The following VPS13D variants were observed in gnomAD, a reference collection of about 807,000 sequenced individuals.
VPS13D encodes vacuolar protein sorting 13 homolog D, also known as intermembrane lipid transfer protein VPS13D.
VPS13D carries 187 observed loss-of-function variants against 461.9 expected under a neutral mutation model. The observed-to-expected ratio is 0.40, with a 90% CI of 0.36 to 0.46. VPS13D has a LOEUF of 0.46. VPS13D is among the 20% of genes least tolerant of loss of function. The pLI is 0.60. For missense variants in VPS13D, 4,711 were observed against 5,364.9 expected (o/e 0.88, Z 3.81); for synonymous variants, 1,951 against 1,986.3 (o/e 0.98, Z 0.47).
At chr1:12,396,176 T>C (rs1184066325) in intron 60 of VPS13D, among the ~76,000 whole-genome samples, 1 of 151,638 alleles carries the variant, frequency 6.6e-6, no homozygotes, top group Non-Finnish European at 1.5e-5. Context: ...CTGGGGGAGC[T>C]GCAAATTCCT....
chr1:12,283,269 C>CG lies in VPS13D; in HGVS notation c.5169dup (p.Ser1724ValfsTer11). 6.2e-7 allele frequency: 1 copy of CG among 1,614,086 alleles called. No homozygotes were observed. Among genetic ancestry groups the CG allele is most frequent in the Non-Finnish European group, 8.5e-7 (1 of 1,180,016 alleles). The stretch of plus-strand genomic sequence containing the variant: ...CAATGTGGAATATCCTGATATGCCT[C>CG]GGTCTCTCCCTTCCCACATGGAAGA... On this transcript the variant is annotated frameshift_variant, in exon 21 of 70. Coordinates refer to ENST00000620676, the MANE Select transcript of VPS13D (RefSeq NM_015378.4). LOFTEE classifies it high-confidence loss of function.
chr1:12,368,095 A>T (rs1042550051), intron 52 of VPS13D, among the ~76,000 whole-genome samples: 1 of 152,022 alleles, frequency 6.6e-6, no homozygotes, highest in African/African-American at 2.4e-5. Context: ...TTAATTCTCT[A>T]ATTTCCTCTA....
intron 30 of VPS13D, among the ~76,000 whole-genome samples, chr1:12,316,115 G>A (rs983333980): frequency 1.3e-5 from 2 of 152,004 alleles, no homozygotes; most frequent in South Asian, 2.1e-4. Flanking sequence ...GTGCCCGGCC[G>A]AGAAACATTT....
chr1:12,308,313 G>C (rs1642627798), intron 26 of VPS13D, 118 bp from the exon 27 acceptor site: 1 of 1,069,856 alleles, frequency 9.3e-7, no homozygotes, highest in Admixed American at 2.3e-5. Flanking sequence ...GTGTGGGGAA[G>C]CAGGCAGCTG....
intron 47 of VPS13D, 61 bp from the exon 48 acceptor site, chr1:12,355,838 C>T: frequency 7.0e-7 from 1 of 1,433,290 alleles, no homozygotes; most frequent in Non-Finnish European, 9.2e-7. Flanking sequence ...TTTACTTTTG[C>T]TGTGAGCTAT....
Position 12,256,981 on chromosome 1 carries a change from A to G in VPS13D, c.841-6A>G. The G allele has an allele frequency of 6.2e-7, 1 of 1,614,106 alleles. No individual in the cohort carries two copies. Among genetic ancestry groups the G allele is most frequent in the Non-Finnish European group, 8.5e-7 (1 of 1,179,974 alleles). ...AACCTAGTATCTCTTAACCTCTAAT[A>G]CAAAGCTGCAATACCGGCAAATCAT... On this transcript the variant is annotated splice_polypyrimidine_tract_variant and splice_region_variant and intron_variant, in intron 8 of 69. Coordinates refer to ENST00000620676, the MANE Select transcript of VPS13D (RefSeq NM_015378.4).
At chr1:12,328,946 T>C (rs564089475) in intron 36 of VPS13D, among the ~76,000 whole-genome samples, 1 of 152,332 alleles carries the variant, frequency 6.6e-6, no homozygotes, top group Admixed American at 6.5e-5. Context: ...TAAAGTTTGC[T>C]TCTGGGGCTT....
intron 50 of VPS13D, among the ~76,000 whole-genome samples, chr1:12,359,519 C>T (rs1643920071): frequency 6.6e-6 from 1 of 152,076 alleles, no homozygotes; most frequent in African/African-American, 2.4e-5. Context: ...ATGAATTTAG[C>T]TTTAAATAGC....
At chr1:12,383,267 G>C in intron 58 of VPS13D, 112 bp downstream of exon 58, 1 of 1,102,986 alleles carries the variant, frequency 9.1e-7, no homozygotes, top group Non-Finnish European at 1.2e-6. Flanking sequence ...TGAAGATATG[G>C]TATCTTCATC....
At chr1:12,484,146 G>C (rs1645763382) in intron 67 of VPS13D, among the ~76,000 whole-genome samples, 1 of 152,192 alleles carries the variant, frequency 6.6e-6, no homozygotes, top group African/African-American at 2.4e-5. Flanking sequence ...GTGACCAGTT[G>C]GTACTGATGC....
chr1:12,285,584 G>C (rs775396541), intron 21 of VPS13D, among the ~76,000 whole-genome samples: 19 of 151,880 alleles, frequency 1.3e-4, no homozygotes, highest in African/African-American at 3.9e-4. Context: ...GCCACTGCGC[G>C]TTGCCTGCTG....
chr1:12,454,335 G>C lies in VPS13D; in HGVS notation c.12334-1663G>C, dbSNP rs373830992. Among the ~76,000 whole-genome samples, 40 of 152,322 alleles carry C rather than the reference G, an allele frequency of 2.6e-4. 4 individuals are homozygous for C. The highest frequency in any genetic ancestry group is 2.0e-3 in the Admixed American group (31 of 15,310). ...CTGAAGCCACTCCTTAGTGATTCAC[G>C]GTGCTAGCTTTGCAGCGTCGTGTGG... On this transcript the variant is annotated intron_variant, in intron 65 of 69. Transcript: ENST00000620676.
intron 13 of VPS13D, among the ~76,000 whole-genome samples, chr1:12,263,237 C>T (rs973407179): frequency 3.9e-5 from 6 of 152,038 alleles, no homozygotes; most frequent in African/African-American, 1.2e-4. Context: ...ACAGTGAAAC[C>T]ACAAACAAAA....
At chr1:12,403,717 T>C (rs956623350) in intron 62 of VPS13D, 108 bp from the exon 63 acceptor site, 4 of 1,083,240 alleles carry the variant, frequency 3.7e-6, no homozygotes, top group East Asian at 2.6e-5. Context: ...GAGTGATAGA[T>C]GGTTTCCTTT....
chr1:12,418,780 A>G (rs1042502148), intron 65 of VPS13D, among the ~76,000 whole-genome samples: 6 of 152,302 alleles, frequency 3.9e-5, no homozygotes, highest in East Asian at 1.9e-4. Flanking sequence ...ATGAAAACCA[A>G]TCTATTATGA....
chr1:12,253,210 T>A (rs1640797814), intron 6 of VPS13D, among the ~76,000 whole-genome samples: 1 of 152,092 alleles, frequency 6.6e-6, no homozygotes, highest in South Asian at 2.1e-4. Context: ...GCATTTATGT[T>A]GTATTAGTTA....
chr1:12,319,421 C>G (rs1041218352), intron 31 of VPS13D, 76 bp from the exon 32 acceptor site: 2 of 1,586,976 alleles, frequency 1.3e-6, no homozygotes, highest in African/African-American at 2.7e-5. Context: ...GAAATGCGCT[C>G]GCTGCCTTGT....
intron 46 of VPS13D, among the ~76,000 whole-genome samples, chr1:12,350,061 T>G (rs1469381360): frequency 2.0e-5 from 3 of 152,206 alleles, no homozygotes; most frequent in Non-Finnish European, 4.4e-5. Context: ...TGCAAATTGT[T>G]AACAGACTAA....
chr1:12,294,143 A>G (rs191415030), intron 24 of VPS13D, among the ~76,000 whole-genome samples: 1 of 152,256 alleles, frequency 6.6e-6, no homozygotes, highest in African/African-American at 2.4e-5. Context: ...TTTACAAAGT[A>G]AGTCAGTCTA....
Sources: gnomAD v4.1 joint callset for allele counts (sites outside exome capture counted in the v4.1 genomes callset) on GRCh38, gnomAD v4.1.1 for gene constraint, MANE v1.5 for transcripts, NCBI Gene and HGNC (gene_info 2026-07-23, HGNC 2026-07-21) for gene names.